SLC4A10: variants seen among roughly 807,000 people sequenced by gnomAD.
SLC4A10 encodes solute carrier family 4 member 10, also known as sodium-driven chloride bicarbonate exchanger.
A neutral mutation model predicts 137.7 loss-of-function variants in SLC4A10; 42 were observed. The ratio of observed to expected loss-of-function variants is 0.30; its 90% CI spans 0.24 to 0.39. The LOEUF (loss-of-function observed/expected upper bound fraction) is 0.39, where lower values mean the gene tolerates loss of function less well. Among genes scored for constraint, SLC4A10 ranks in the 10% least tolerant of loss-of-function variants. The pLI, the probability that SLC4A10 is intolerant of heterozygous loss-of-function variation, is 1.00. For missense variants in SLC4A10, 925 were observed against 1,355.0 expected (o/e 0.68, Z 4.98); for synonymous variants, 474 against 464.1 (o/e 1.02, Z -0.27).
chr2:161,949,380 C>T, intron 18 of SLC4A10, 119 bp downstream of exon 18: 1 of 607,994 alleles, frequency 1.6e-6, no homozygotes. Flanking sequence ...ATTAGAAGAC[C>T]AGTAAATGAA....
At chr2:161,938,041 A>G (rs1006030475) in intron 15 of SLC4A10, among the ~76,000 whole-genome samples, 4 of 152,070 alleles carry the variant, frequency 2.6e-5, no homozygotes, top group Admixed American at 6.6e-5. Flanking sequence ...GGGAGGCTGA[A>G]GCAGGCAGAT....
chr2:161,805,797 G>C (rs367615882), intron 3 of SLC4A10, among the ~76,000 whole-genome samples: 1 of 152,132 alleles, frequency 6.6e-6, no homozygotes, highest in East Asian at 1.9e-4. Context: ...TTGCTTTTCC[G>C]GACACACTAT....
intron 7 of SLC4A10, 197 bp from the exon 8 acceptor site, chr2:161,873,719 G>A (rs866139218): frequency 2.1e-6 from 1 of 484,244 alleles, no homozygotes; most frequent in African/African-American, 1.9e-5. Flanking sequence ...GGAATGGATG[G>A]AAGCAGTAGA....
chr2:161,753,422 T>A (rs1343251464), intron 1 of SLC4A10, among the ~76,000 whole-genome samples: 1 of 152,172 alleles, frequency 6.6e-6, no homozygotes, highest in Admixed American at 6.5e-5. Flanking sequence ...TCTGAAGATT[T>A]AAATTTAGCC....
At chr2:161,840,497 G>A (rs142455418) in intron 4 of SLC4A10, among the ~76,000 whole-genome samples, 2 of 152,222 alleles carry the variant, frequency 1.3e-5, no homozygotes, top group Non-Finnish European at 2.9e-5. Context: ...ATAGAGTTCT[G>A]TAAAGTTGGA....
chr2:161,629,550 T>C (rs1027134099), intron 1 of SLC4A10, among the ~76,000 whole-genome samples: 1 of 151,898 alleles, frequency 6.6e-6, no homozygotes, highest in African/African-American at 2.4e-5. Flanking sequence ...TTACAGTTGA[T>C]GAAACATTAT....
At chr2:161,786,941 G>A (rs758813252) in intron 2 of SLC4A10, among the ~76,000 whole-genome samples, 3 of 151,734 alleles carry the variant, frequency 2.0e-5, no homozygotes, top group Non-Finnish European at 4.4e-5. Flanking sequence ...TCTCAGTGGT[G>A]TAATTGCTTT....
At chr2:161,974,386 A>G in intron 24 of SLC4A10, 70 bp downstream of exon 24, 1 of 1,276,754 alleles carries the variant, frequency 7.8e-7, no homozygotes, top group East Asian at 2.5e-5. Context: ...TAAGAATTTC[A>G]TACTGTGTAG....
intron 3 of SLC4A10, among the ~76,000 whole-genome samples, chr2:161,825,555 C>A (rs1201282010): frequency 6.6e-6 from 1 of 152,096 alleles, no homozygotes; most frequent in African/African-American, 2.4e-5. Flanking sequence ...CTGTGGCAGC[C>A]CAAGATGACT....
At chr2:161,783,789 CA>C (rs200609217) in intron 2 of SLC4A10, among the ~76,000 whole-genome samples, 175 of 147,604 alleles carry the variant, frequency 1.2e-3, no homozygotes, top group Admixed American at 1.9e-3. Flanking sequence ...AGATTCCCAA[CA>C]AAAAAAAATC....
chr2:161,964,203 C>A lies in SLC4A10; in HGVS notation c.2931C>A (p.His977Gln), dbSNP rs376606282. The change falls in exon 22 of 27, where the codon CAC (histidine) becomes CAA (glutamine). Residue 977 changes from histidine (H) to glutamine (Q), a missense_variant. Physicochemically the swap from His to Gln is conservative, Grantham distance 24. Around this residue, in one of 11 missense-constraint regions of SLC4A10, gnomAD observed 115 missense variants for 237.5 expected, o/e 0.48. Transcript: ENST00000446997. ...AACCAGATTTTATATACCTAAGGCA[C>A]GTACCGCTTCGAAAAGTGCATCTCT... ...KHQPDFIYLRHVPLRKVHLFT... is the reference protein window; with the variant it reads ...KHQPDFIYLRQVPLRKVHLFT... The A allele has an allele frequency of 1.2e-6, 2 of 1,613,328 alleles. No homozygotes were observed. The highest frequency in any genetic ancestry group is 8.5e-7 in the Non-Finnish European group (1 of 1,179,550).
chr2:161,649,418 A>T (rs1469217083), intron 1 of SLC4A10, among the ~76,000 whole-genome samples: 1 of 152,146 alleles, frequency 6.6e-6, no homozygotes, highest in African/African-American at 2.4e-5. Flanking sequence ...CTATTTTAAA[A>T]ATTGGATTTC....
intron 15 of SLC4A10, among the ~76,000 whole-genome samples, chr2:161,914,451 G>C (rs1686613223): frequency 6.6e-6 from 1 of 152,100 alleles, no homozygotes. Context: ...TCATGGCCAG[G>C]CTCAAAGAGG....
chr2:161,703,534 TC>T (rs372597284), intron 1 of SLC4A10, among the ~76,000 whole-genome samples: 1 of 151,684 alleles, frequency 6.6e-6, no homozygotes, highest in African/African-American at 2.4e-5. Context: ...CTTTATGTTT[TC>T]TTCTGTTTGT....
At chr2:161,971,719 C>T (rs1041999260) in intron 23 of SLC4A10, among the ~76,000 whole-genome samples, 3 of 152,324 alleles carry the variant, frequency 2.0e-5, no homozygotes, top group Non-Finnish European at 4.4e-5. Context: ...GCAGCCGGCC[C>T]TCCATCCCCG....
intron 1 of SLC4A10, among the ~76,000 whole-genome samples, chr2:161,715,139 A>T (rs2044708686): frequency 6.6e-6 from 1 of 152,008 alleles, no homozygotes; most frequent in South Asian, 2.1e-4. Flanking sequence ...AATTGCCTGC[A>T]AAGGATAGGA....
intron 5 of SLC4A10, among the ~76,000 whole-genome samples, chr2:161,860,224 C>G (rs2060355936): frequency 6.6e-6 from 1 of 152,232 alleles, no homozygotes; most frequent in Non-Finnish European, 1.5e-5. Flanking sequence ...AACTAATGAA[C>G]AGATGAGTGT....
intron 1 of SLC4A10, among the ~76,000 whole-genome samples, chr2:161,649,890 T>C (rs1254083167): frequency 4.6e-5 from 7 of 152,158 alleles, no homozygotes; most frequent in African/African-American, 1.7e-4. Flanking sequence ...TATTTTGGAA[T>C]AAATTCAAGT....
At chr2:161,780,488 A>C (rs1267134272) in intron 2 of SLC4A10, among the ~76,000 whole-genome samples, 3 of 151,964 alleles carry the variant, frequency 2.0e-5, no homozygotes, top group African/African-American at 7.2e-5. Context: ...CCACCCACAC[A>C]ATACCTGCCT....
Sources: gnomAD v4.1 joint callset for allele counts (sites outside exome capture counted in the v4.1 genomes callset) on GRCh38, gnomAD v4.1.1 for gene constraint, gnomAD v4.1.1 regional missense constraint, MANE v1.5 for transcripts, NCBI Gene and HGNC (gene_info 2026-07-23, HGNC 2026-07-21) for gene names.